Variants in VPS37A observed in about 807,000 individuals in gnomAD.
VPS37A encodes vacuolar protein sorting-associated protein 37A.
In VPS37A, 30 loss-of-function variants were observed where a neutral mutation model predicts 49.8. That is an observed-to-expected ratio of 0.60 (90% CI 0.45 to 0.82). The LOEUF is 0.82. Ranked by LOEUF, VPS37A falls within the 40% of genes least tolerant of loss-of-function variation. The pLI, the probability that VPS37A is intolerant of heterozygous loss-of-function variation, is 0.00. For missense variants in VPS37A, 593 were observed against 464.4 expected, an observed-to-expected ratio of 1.28 and a Z score of -2.55; for synonymous variants, 195 against 160.6, an observed-to-expected ratio of 1.21 and a Z score of -1.62.
intron 7 of VPS37A, 30 bp from the exon 8 acceptor site, chr8:17,280,209 C>G (rs1011603747): frequency 1.9e-6 from 3 of 1,611,614 alleles, no homozygotes; most frequent in Non-Finnish European, 1.7e-6. Flanking sequence ...TCATCTTTAC[C>G]TAGAAGTAAA....
the VPS37A span, among the ~76,000 whole-genome samples, chr8:17,307,445 A>C: frequency 2.8e-4 from 42 of 151,350 alleles, no homozygotes; most frequent in African/African-American, 9.0e-4. Context: ...GTGGGACTGT[A>C]AACTAGTTCA....
At chr8:17,253,362 C>T (rs890210001) in intron 1 of VPS37A, among the ~76,000 whole-genome samples, 3 of 152,182 alleles carry the variant, frequency 2.0e-5, no homozygotes, top group Non-Finnish European at 4.4e-5. Flanking sequence ...CCAGAGTAAT[C>T]TTTCTAAAAT....
the VPS37A span, among the ~76,000 whole-genome samples, chr8:17,322,060 G>T: frequency 6.6e-6 from 1 of 152,112 alleles, no homozygotes; most frequent in Non-Finnish European, 1.5e-5. Context: ...GGTCTTTCTT[G>T]TACCCTGAGA....
At position 17,294,879 on chromosome 8, in the gene VPS37A, A is replaced by G. The variant is rs555338501; in HGVS notation, c.*1-108A>G. 7.9e-5 allele frequency: 12 copies of G among 152,368 alleles called. No homozygotes were observed. In the South Asian group the frequency reaches 1.4e-3, roughly 18 times the overall value. 9.4% of individuals were successfully genotyped at this position (152,368 alleles called of 1,614,324 possible). A position where few individuals can be genotyped will look rare whatever the true frequency, so the allele number is the denominator to read the frequency against. The stretch of plus-strand genomic sequence containing the variant: ...AGACTGGAGCTGTTCCTATTCAGCC[A>G]TCTTGCCTGGGAGCCACTGTGGGCA... On this transcript the variant is annotated intron_variant, in intron 11 of 11. Transcript: ENST00000324849.
Position 17,267,872 on chromosome 8 carries a change from T to C in VPS37A, c.201-386T>C, listed in dbSNP as rs140783839. Among the ~76,000 whole-genome samples, 488 of 152,284 alleles carry C rather than the reference T, an allele frequency of 3.2e-3. 9 individuals carry two copies. The highest frequency in any genetic ancestry group is 1.8e-3 in the Non-Finnish European group (125 of 68,014). Reference sequence around the variant, plus strand: ...GAAAAACCACAGAAAATTATATGGCTAGAACCTGTGGTCCAATAAATAGCC... The same window carrying C: ...GAAAAACCACAGAAAATTATATGGCCAGAACCTGTGGTCCAATAAATAGCC... On this transcript the variant is annotated intron_variant, in intron 2 of 11. Transcript: ENST00000324849.
At chr8:17,307,300 G>A (rs1178350885), downstream of VPS37A, among the ~76,000 whole-genome samples, 2 of 152,134 alleles carry the variant, frequency 1.3e-5, no homozygotes, top group East Asian at 1.9e-4. Flanking sequence ...CATCATCACT[G>A]GCCATCAGAG....
chr8:17,306,993 T>G (rs1243015276), downstream of VPS37A, among the ~76,000 whole-genome samples: 3 of 152,100 alleles, frequency 2.0e-5, no homozygotes, highest in Non-Finnish European at 2.9e-5. Context: ...GGACTTCATG[T>G]CTAAAACACC....
At chr8:17,312,235 C>T in the VPS37A span, among the ~76,000 whole-genome samples, 97 of 152,258 alleles carry the variant, frequency 6.4e-4, no homozygotes, top group African/African-American at 2.3e-3. Context: ...GAGATTTCAT[C>T]ATAGCATTTA....
At chr8:17,253,782 C>T (rs921228249) in intron 1 of VPS37A, among the ~76,000 whole-genome samples, 6 of 152,162 alleles carry the variant, frequency 3.9e-5, no homozygotes, top group African/African-American at 1.4e-4. Context: ...GAAATAAGTG[C>T]TCCATGTTAA....
chr8:17,271,560 C>T (rs1311537675), intron 4 of VPS37A, among the ~76,000 whole-genome samples: 2 of 152,000 alleles, frequency 1.3e-5, no homozygotes, highest in Non-Finnish European at 2.9e-5. Context: ...GAGCCGAGAT[C>T]ACGCCACTGC....
At chr8:17,319,259 A>G in the VPS37A span, among the ~76,000 whole-genome samples, 2 of 152,182 alleles carry the variant, frequency 1.3e-5, no homozygotes, top group Non-Finnish European at 2.9e-5. Context: ...AAATGGGGAT[A>G]AAAACACCTT....
chr8:17,328,573 TG>T, the VPS37A span, among the ~76,000 whole-genome samples: 3 of 144,814 alleles, frequency 2.1e-5, no homozygotes, highest in Non-Finnish European at 3.0e-5. Context: ...TTGGCGGGGG[TG>T]GGGGAGTGGA....
chr8:17,250,026 C>G (rs1811825297), intron 1 of VPS37A, among the ~76,000 whole-genome samples: 1 of 152,170 alleles, frequency 6.6e-6, no homozygotes, highest in Non-Finnish European at 1.5e-5. Flanking sequence ...CTTTCTACTC[C>G]TCTAGTGGAC....
the VPS37A span, chr8:17,313,527 T>C: frequency 1.7e-6 from 1 of 586,492 alleles, no homozygotes; most frequent in Non-Finnish European, 2.9e-6. Context: ...AAGCAAGCCT[T>C]AAGTCAAAAT....
In VPS37A at chr8:17,276,377, C is replaced by G; in HGVS notation, c.643-20C>G. ...AAAAATAATGGCTGAAATTTAATATCATTTAAAACTTTTCTTTAGACAAGC... is the reference window on the plus strand; with the variant it reads ...AAAAATAATGGCTGAAATTTAATATGATTTAAAACTTTTCTTTAGACAAGC... On this transcript the variant is annotated intron_variant, in intron 5 of 11. Transcript: ENST00000324849. The G allele has an allele frequency of 1.2e-6, 2 of 1,600,116 alleles. No individual in the cohort carries two copies. Among genetic ancestry groups the G allele is most frequent in the Non-Finnish European group, 1.7e-6 (2 of 1,172,748 alleles).
At position 17,296,805 on chromosome 8, in the gene VPS37A, AGT is replaced by A. The variant is rs1335142291; in HGVS notation, c.*1822_*1823del. 3.3e-5 allele frequency: 5 copies of A among 152,166 alleles called. No individual in the cohort carries two copies. The highest frequency in any genetic ancestry group is 1.2e-4 in the African/African-American group (5 of 41,454). The allele number at this position is 152,166 out of a possible 1,614,324, so 9.4% of individuals were successfully genotyped here. The stretch of plus-strand genomic sequence containing the variant: ...CATAATCACATGAGTAGTTCATCTC[AGT>A]GTTTTTTATTCTTTAAAGTTGAACT... On this transcript the variant is annotated 3_prime_UTR_variant, in exon 12 of 12. Transcript: ENST00000324849.
chr8:17,248,292 G>A, intron 1 of VPS37A: 1 of 431,834 alleles, frequency 2.3e-6, no homozygotes. Flanking sequence ...CCGGGGGTAC[G>A]GCTCTCCTGT....
At chr8:17,298,901 A>C (rs188274439), downstream of VPS37A, 1 of 152,354 alleles carries the variant, frequency 6.6e-6, no homozygotes, top group Admixed American at 6.5e-5. Flanking sequence ...CCAGTTACAT[A>C]ATTTCTAAAA....
intron 9 of VPS37A, 55 bp downstream of exon 9, chr8:17,280,498 G>T: frequency 6.8e-7 from 1 of 1,471,716 alleles, no homozygotes; most frequent in Non-Finnish European, 9.2e-7. Context: ...AATCTTATGT[G>T]CATGAGTCCT....
Sources: allele counts gnomAD v4.1 joint callset (sites outside exome capture counted in the v4.1 genomes callset), GRCh38; gene constraint gnomAD v4.1.1; transcripts MANE v1.5; gene names NCBI Gene and HGNC (gene_info 2026-07-23, HGNC 2026-07-21).